CCDC90B: variants seen among roughly 807,000 people sequenced by gnomAD.
CCDC90B encodes the protein coiled-coil domain containing 90B.
CCDC90B carries 24 observed loss-of-function variants against 37.0 expected under a neutral mutation model. The ratio of observed to expected loss-of-function variants is 0.65; its 90% CI spans 0.47 to 0.91. The LOEUF is 0.91. Ranked by LOEUF, CCDC90B falls within the 40% of genes least tolerant of loss-of-function variation. The pLI, the probability that CCDC90B is intolerant of heterozygous loss-of-function variation, is 0.00. For missense variants in CCDC90B, 319 were observed against 299.0 expected, an observed-to-expected ratio of 1.07 and a Z score of -0.49; for synonymous variants, 113 against 101.1, an observed-to-expected ratio of 1.12 and a Z score of -0.71.
At position 83,259,581 on chromosome 11, in the gene CCDC90B, A is replaced by G. The variant is rs552488033; in HGVS notation, c.*2330T>C. 6.6e-6 allele frequency: 1 copy of G among 152,306 alleles called. No individual in the cohort carries two copies. The highest frequency in any genetic ancestry group is 2.4e-5 in the African/African-American group (1 of 41,582). The allele number at this position is 152,306 out of a possible 1,614,324, so 9.4% of individuals were successfully genotyped here. A position where few individuals can be genotyped will look rare whatever the true frequency, so the allele number is the denominator to read the frequency against. On this transcript the variant is annotated 3_prime_UTR_variant, in exon 9 of 9. Coordinates refer to ENST00000529689, the MANE Select transcript of CCDC90B (RefSeq NM_021825.5). ...CTCCTTTCCATTCTGGGTTGTGAAT[A>G]TAACTAAGATGAAGAATGAATAAAC...
intron 1 of CCDC90B, among the ~76,000 whole-genome samples, chr11:83,283,428 A>T (rs1330134221): frequency 6.6e-6 from 1 of 152,240 alleles, no homozygotes; most frequent in African/African-American, 2.4e-5. Flanking sequence ...AGAGCTGAGA[A>T]TACAGAAGGA....
chr11:83,268,602 A>C (rs1864444079), intron 7 of CCDC90B, among the ~76,000 whole-genome samples: 1 of 152,236 alleles, frequency 6.6e-6, no homozygotes, highest in Admixed American at 6.5e-5. Flanking sequence ...AGCCAAATTC[A>C]TAAAGCAAGT....
chr11:83,284,570 T>C (rs927788909), intron 1 of CCDC90B, among the ~76,000 whole-genome samples: 5 of 152,230 alleles, frequency 3.3e-5, no homozygotes, highest in African/African-American at 1.2e-4. Flanking sequence ...TCAAATCCCT[T>C]GATTATTGAC....
intron 8 of CCDC90B, among the ~76,000 whole-genome samples, chr11:83,264,491 TC>T (rs950249718): frequency 1.8e-4 from 28 of 152,114 alleles, no homozygotes; most frequent in Non-Finnish European, 8.8e-5. Context: ...GGTTGAAAAT[TC>T]TTTTCTTTAA....
intron 1 of CCDC90B, among the ~76,000 whole-genome samples, chr11:83,282,042 G>A (rs538205818): frequency 7.2e-5 from 11 of 152,086 alleles, no homozygotes; most frequent in Non-Finnish European, 1.6e-4. Context: ...GAACACTTAC[G>A]TTAGCCTATA....
intron 2 of CCDC90B, 73 bp downstream of exon 2, chr11:83,280,068 A>G: frequency 7.0e-7 from 1 of 1,430,532 alleles, no homozygotes; most frequent in Non-Finnish European, 9.5e-7. Context: ...TGTTCATAAT[A>G]GTGATATTGT....
Position 83,266,078 on chromosome 11 carries a change from T to C in CCDC90B, c.595-99A>G, listed in dbSNP as rs1864248806. 12 of 625,958 alleles carry C rather than the reference T, an allele frequency of 1.9e-5. No homozygotes were observed. In the East Asian group the frequency reaches 3.4e-4, roughly 18 times the overall value. 38.8% of individuals were successfully genotyped at this position (625,958 alleles called of 1,614,324 possible). On this transcript the variant is annotated intron_variant, in intron 7 of 8. Transcript: ENST00000529689. ...ACCCTCACTTATGGGCTAATTGTGA[T>C]ATAAAAGTCTTAGTTGGGGAAACAT... is the stretch of plus-strand genomic sequence containing the variant.
At chr11:83,274,240 A>G (rs1864883218) in intron 4 of CCDC90B, 1 of 355,640 alleles carries the variant, frequency 2.8e-6, no homozygotes, top group Non-Finnish European at 5.0e-6. Context: ...AAAATAAGCT[A>G]TAGTGGATAA....
chr11:83,279,254 C>G (rs1408026719), intron 2 of CCDC90B, among the ~76,000 whole-genome samples: 3 of 151,598 alleles, frequency 2.0e-5, no homozygotes, highest in African/African-American at 4.8e-5. Flanking sequence ...TTACTCCAGC[C>G]TGGGCAACAG....
At chr11:83,266,480 G>A (rs1456194472) in intron 7 of CCDC90B, among the ~76,000 whole-genome samples, 1 of 152,358 alleles carries the variant, frequency 6.6e-6, no homozygotes, top group South Asian at 2.1e-4. Context: ...CGGGTCCCAC[G>A]CCCACGGAGC....
chr11:83,267,363 C>G (rs962007105), intron 7 of CCDC90B: 2 of 152,060 alleles, frequency 1.3e-5, no homozygotes, highest in Admixed American at 1.3e-4. Context: ...AGCTAAAAAC[C>G]TTGAAAAAAG....
rs145835190 is a variant in CCDC90B at position 83,283,006 on chromosome 11, A to G, written c.101-2746T>C. ...GGCTACTTTCATGCTACAGTGGCAA[A>G]GCAAATAGTTGTGACTGACCTTACA... On this transcript the variant is annotated intron_variant, in intron 1 of 8. Coordinates refer to ENST00000529689, the MANE Select transcript of CCDC90B (RefSeq NM_021825.5). Among the ~76,000 whole-genome samples the G allele has an allele frequency of 7.8e-3, 1,194 of 152,340 alleles. 15 individuals carry two copies. The highest frequency in any genetic ancestry group is 0.027 in the African/African-American group (1,117 of 41,576).
At chr11:83,271,451 A>G (rs1864657894) in intron 7 of CCDC90B, among the ~76,000 whole-genome samples, 1 of 152,214 alleles carries the variant, frequency 6.6e-6, no homozygotes, top group Non-Finnish European at 1.5e-5. Flanking sequence ...AAAAGTGGGC[A>G]AAGGATATGA....
chr11:83,278,946 A>G, intron 2 of CCDC90B, 117 bp from the exon 3 acceptor site: 1 of 602,786 alleles, frequency 1.7e-6, no homozygotes, highest in Non-Finnish European at 2.9e-6. Flanking sequence ...AATGGTTACA[A>G]TTAAAAAATT....
chr11:83,284,462 C>A (rs1247008585), intron 1 of CCDC90B, among the ~76,000 whole-genome samples: 15 of 152,304 alleles, frequency 9.8e-5, no homozygotes, highest in Admixed American at 9.8e-4. Flanking sequence ...AAAGAACAGG[C>A]ATTAACAGCA....
intron 3 of CCDC90B, among the ~76,000 whole-genome samples, chr11:83,275,617 GGTAGCTTGCTAA>G (rs1196657319): frequency 1.3e-5 from 2 of 152,126 alleles, no homozygotes; most frequent in Non-Finnish European, 2.9e-5. Context: ...CTTAAAATCA[GGTAGCTTGCTAA>G]TTTCTCTATC....
At chr11:83,274,818 T>A in intron 3 of CCDC90B, 78 bp from the exon 4 acceptor site, 1 of 913,202 alleles carries the variant, frequency 1.1e-6, no homozygotes, top group Non-Finnish European at 1.7e-6. Context: ...TCATGAAATT[T>A]AAATGAATTT....
In CCDC90B at chr11:83,268,140, C is replaced by A. The variant is rs533654709; in HGVS notation, c.595-2161G>T. ...GGAAAGGAACAACCAGTACCAACCA[C>A]TGCAAAAACATGCCAAATTGTAAAG... On this transcript the variant is annotated intron_variant, in intron 7 of 8. Transcript: ENST00000529689. 1.7e-3 allele frequency among the ~76,000 whole-genome samples: 255 copies of A among 152,330 alleles called. 4 individuals are homozygous for A. Among genetic ancestry groups the A allele is most frequent in the African/African-American group, 6.1e-3 (252 of 41,566 alleles).
chr11:83,279,061 A>T (rs1435097656), intron 2 of CCDC90B, among the ~76,000 whole-genome samples: 1 of 152,172 alleles, frequency 6.6e-6, no homozygotes, highest in Non-Finnish European at 1.5e-5. Flanking sequence ...AGGTGGGCAG[A>T]TCACAAGGTC....
Sources: allele counts gnomAD v4.1 joint callset (sites outside exome capture counted in the v4.1 genomes callset), GRCh38; gene constraint gnomAD v4.1.1; transcripts MANE v1.5; gene names NCBI Gene and HGNC (gene_info 2026-07-23, HGNC 2026-07-21).